SCFD2: variants seen among roughly 807,000 people sequenced by gnomAD.
The protein encoded by SCFD2 is sec1 family domain containing 2.
SCFD2 carries 54 observed loss-of-function variants against 58.9 expected under a neutral mutation model. That is an observed-to-expected ratio of 0.92 (90% CI 0.74 to 1.15). The LOEUF is 1.15. SCFD2 is among the 50% of genes most tolerant of loss of function. The pLI is 0.00. For missense variants in SCFD2, 805 were observed against 836.6 expected (o/e 0.96, Z 0.47); for synonymous variants, 321 against 335.9 (o/e 0.96, Z 0.49).
intron 5 of SCFD2, among the ~76,000 whole-genome samples, chr4:53,021,207 C>G (rs1722341095): frequency 6.6e-6 from 1 of 152,132 alleles, no homozygotes; most frequent in African/African-American, 2.4e-5. Flanking sequence ...TGTCTGAGGT[C>G]AAATCTAAAT....
chr4:53,351,159 TA>T (rs1182475704), intron 2 of SCFD2, among the ~76,000 whole-genome samples: 1 of 152,202 alleles, frequency 6.6e-6, no homozygotes, highest in Non-Finnish European at 1.5e-5. Context: ...TTCCCAAACG[TA>T]AAATGCTTGG....
intron 4 of SCFD2, among the ~76,000 whole-genome samples, chr4:53,177,291 C>T (rs1350345182): frequency 2.0e-5 from 3 of 152,108 alleles, no homozygotes; most frequent in Non-Finnish European, 4.4e-5. Context: ...CCTGGTGTTA[C>T]AGTAATACAT....
At chr4:52,993,397 TAA>T (rs1307824519) in intron 5 of SCFD2, among the ~76,000 whole-genome samples, 2 of 70,698 alleles carry the variant, frequency 2.8e-5, no homozygotes, top group African/African-American at 7.4e-5. Context: ...CAATAAATAC[TAA>T]AAAAATAAAA....
At chr4:52,995,053 A>G (rs1458451831) in intron 5 of SCFD2, among the ~76,000 whole-genome samples, 1 of 152,186 alleles carries the variant, frequency 6.6e-6, no homozygotes, top group African/African-American at 2.4e-5. Flanking sequence ...GGATGGTTTC[A>G]GGATAATTCA....
chr4:52,984,808 T>C (rs375332374), intron 5 of SCFD2, among the ~76,000 whole-genome samples: 10 of 152,250 alleles, frequency 6.6e-5, no homozygotes, highest in Non-Finnish European at 1.3e-4. Context: ...CTTTTCCTCA[T>C]GGGCTGTCTT....
chr4:53,168,055 T>G (rs1727061179), intron 4 of SCFD2, among the ~76,000 whole-genome samples: 1 of 152,202 alleles, frequency 6.6e-6, no homozygotes, highest in South Asian at 2.1e-4. Flanking sequence ...ACTGCTGACT[T>G]GTAAGGAAAA....
intron 2 of SCFD2, among the ~76,000 whole-genome samples, chr4:53,334,269 A>C (rs1361404580): frequency 6.6e-6 from 1 of 152,120 alleles, no homozygotes; most frequent in Non-Finnish European, 1.5e-5. Flanking sequence ...CCAAAGGACT[A>C]TAAATCTTGC....
At chr4:52,966,648 A>T (rs1451291723) in intron 5 of SCFD2, among the ~76,000 whole-genome samples, 2 of 152,184 alleles carry the variant, frequency 1.3e-5, no homozygotes, top group Admixed American at 1.3e-4. Context: ...TTAGATTTAT[A>T]AAAAAAGTGA....
chr4:53,238,365 A>C (rs1577880450), intron 4 of SCFD2, among the ~76,000 whole-genome samples: 9 of 85,146 alleles, frequency 1.1e-4, no homozygotes, highest in Admixed American at 2.3e-4. Context: ...TGATGCCCCC[A>C]CCTCCCTCCC....
intron 5 of SCFD2, among the ~76,000 whole-genome samples, chr4:53,002,195 G>A (rs1185704915): frequency 2.0e-5 from 3 of 152,142 alleles, no homozygotes; most frequent in African/African-American, 7.2e-5. Context: ...AGGGGATGAT[G>A]GGGACAGGGC....
At chr4:52,880,094 A>C (rs1718571751) in intron 8 of SCFD2, among the ~76,000 whole-genome samples, 1 of 152,108 alleles carries the variant, frequency 6.6e-6, no homozygotes, top group Non-Finnish European at 1.5e-5. Context: ...AAAACCTGGA[A>C]ACATCTGACC....
chr4:53,269,104 G>C (rs62324288), intron 4 of SCFD2, among the ~76,000 whole-genome samples: 39,474 of 151,976 alleles, frequency 0.26, 5,637 homozygotes, highest in Non-Finnish European at 0.33. Flanking sequence ...AGGATCACTT[G>C]AGTCCAGGAG....
chr4:53,266,048 A>G (rs1364080324), intron 4 of SCFD2, among the ~76,000 whole-genome samples: 1 of 152,154 alleles, frequency 6.6e-6, no homozygotes, highest in African/African-American at 2.4e-5. Flanking sequence ...TTAATGGGGA[A>G]AAAAAGCTTT....
chr4:53,224,380 C>T (rs1306769878), intron 4 of SCFD2, among the ~76,000 whole-genome samples: 1 of 110,728 alleles, frequency 9.0e-6, no homozygotes, highest in Non-Finnish European at 1.9e-5. Context: ...CAGAGCAAGA[C>T]TCCGTCTCAA....
intron 5 of SCFD2, among the ~76,000 whole-genome samples, chr4:53,026,095 A>C (rs1195013040): frequency 6.6e-6 from 1 of 152,094 alleles, no homozygotes; most frequent in Non-Finnish European, 1.5e-5. Context: ...CAACAACAAC[A>C]AAATAAGACA....
chr4:52,999,045 T>C (rs1309952945), intron 5 of SCFD2, among the ~76,000 whole-genome samples: 1 of 152,164 alleles, frequency 6.6e-6, no homozygotes, highest in African/African-American at 2.4e-5. Flanking sequence ...CATTTTGAAT[T>C]AGCAATAAGG....
chr4:53,212,474 A>ATAAATAAC (rs1728646396), intron 4 of SCFD2, among the ~76,000 whole-genome samples: 1 of 150,398 alleles, frequency 6.6e-6, no homozygotes. Flanking sequence ...AAAGCAAAAA[A>ATAAATAAC]TAAATAAATA....
intron 8 of SCFD2, among the ~76,000 whole-genome samples, chr4:52,884,049 T>C (rs1718679435): frequency 6.6e-6 from 1 of 152,176 alleles, no homozygotes; most frequent in African/African-American, 2.4e-5. Flanking sequence ...GCCAGTTCTC[T>C]TGGAGTCAAT....
At chr4:53,328,384 G>A (rs1161328005) in intron 2 of SCFD2, among the ~76,000 whole-genome samples, 1 of 152,032 alleles carries the variant, frequency 6.6e-6, no homozygotes, top group Non-Finnish European at 1.5e-5. Flanking sequence ...GCTAGGATAG[G>A]TACAAGATGA....
Sources: allele counts gnomAD v4.1 joint callset (sites outside exome capture counted in the v4.1 genomes callset), GRCh38; gene constraint gnomAD v4.1.1; transcripts MANE v1.5; gene names NCBI Gene and HGNC (gene_info 2026-07-23, HGNC 2026-07-21).